EZH2: variants seen among roughly 807,000 people sequenced by gnomAD.
EZH2 encodes the protein histone-lysine N-methyltransferase EZH2.
A neutral mutation model predicts 98.4 loss-of-function variants in EZH2; 18 were observed. That is an observed-to-expected ratio of 0.18 (90% confidence interval 0.13 to 0.27). EZH2 has a LOEUF of 0.27. EZH2 is among the 10% of genes least tolerant of loss of function. The pLI is 1.00. For missense variants in EZH2, 470 were observed against 935.1 expected (o/e 0.50, Z 6.49); for synonymous variants, 338 against 312.3 (o/e 1.08, Z -0.87).
intron 1 of EZH2, among the ~76,000 whole-genome samples, chr7:148,854,486 T>C (rs1816458241): frequency 6.6e-6 from 1 of 151,806 alleles, no homozygotes; most frequent in Non-Finnish European, 1.5e-5. Context: ...ATCAAGGGAA[T>C]GACCACCTAT....
At position 148,847,421 on chromosome 7, in the gene EZH2, T is replaced by C. The variant is rs952263517; in HGVS notation, c.-7-116A>G. The C allele has an allele frequency of 6.2e-6, 8 of 1,290,702 alleles. No individual in the cohort carries two copies. The African/African-American group carries it at 7.5e-5, about 12-fold the overall frequency. 80.0% of individuals were successfully genotyped at this position (1,290,702 alleles called of 1,614,324 possible). ...TGAAGAAATGACACATATTACACTG[T>C]TGGCATTTACAGAAAGGTGCTCATT... is the stretch of plus-strand genomic sequence containing the variant. On this transcript the variant is annotated intron_variant, in intron 1 of 19. Coordinates refer to ENST00000320356, the MANE Select transcript of EZH2 (RefSeq NM_004456.5).
chr7:148,862,193 A>G (rs1215353077), intron 1 of EZH2, among the ~76,000 whole-genome samples: 4 of 151,878 alleles, frequency 2.6e-5, no homozygotes, highest in African/African-American at 9.7e-5. Context: ...TGTATCAGTG[A>G]ACTTTTCCTA....
chr7:148,838,115 T>G (rs1811386082), intron 3 of EZH2, among the ~76,000 whole-genome samples: 1 of 137,438 alleles, frequency 7.3e-6, no homozygotes, highest in Non-Finnish European at 1.5e-5. Context: ...GTTGCCAAGG[T>G]TAGAGTGCAG....
chr7:148,824,327 A>C (rs57911710), intron 8 of EZH2, among the ~76,000 whole-genome samples: 3,455 of 151,694 alleles, frequency 0.023, 108 homozygotes, highest in African/African-American at 0.063. Context: ...AAAAAAAAAA[A>C]AACAACAACA....
At chr7:148,848,324 T>C (rs912488828) in intron 1 of EZH2, among the ~76,000 whole-genome samples, 1 of 152,168 alleles carries the variant, frequency 6.6e-6, no homozygotes, top group African/African-American at 2.4e-5. Flanking sequence ...GACAGAGGCT[T>C]CTACACCACA....
intron 1 of EZH2, among the ~76,000 whole-genome samples, chr7:148,872,196 C>A (rs1311038536): frequency 6.6e-6 from 1 of 152,088 alleles, no homozygotes; most frequent in African/African-American, 2.4e-5. Flanking sequence ...CATGGAAGAA[C>A]CTCAATGACA....
intron 1 of EZH2, among the ~76,000 whole-genome samples, chr7:148,849,658 G>A (rs1815164021): frequency 6.6e-6 from 1 of 152,188 alleles, no homozygotes; most frequent in South Asian, 2.1e-4. Context: ...AGAAAATGGT[G>A]TTAGGAAGGC....
In EZH2 at chr7:148,847,395, G is replaced by A. The variant is rs926370787; in HGVS notation, c.-7-90C>T. The A allele has an allele frequency of 5.4e-6, 8 of 1,494,390 alleles. No homozygotes were observed. In the African/African-American group the frequency reaches 1.1e-4, roughly 21 times the overall value. 92.6% of individuals were successfully genotyped at this position (1,494,390 alleles called of 1,614,324 possible). On this transcript the variant is annotated intron_variant, in intron 1 of 19. Transcript: ENST00000320356. The stretch of plus-strand genomic sequence containing the variant: ...TTAATCCGCAGCAAACTAACAATCA[G>A]TGAAGAAATGACACATATTACACTG...
At chr7:148,841,052 T>C in intron 3 of EZH2, among the ~76,000 whole-genome samples, 1 of 152,136 alleles carries the variant, frequency 6.6e-6, no homozygotes, top group East Asian at 1.9e-4. Flanking sequence ...GTTTTATTAG[T>C]TGCCTAAATT....
At chr7:148,853,553 A>G (rs1300755131) in intron 1 of EZH2, among the ~76,000 whole-genome samples, 1 of 152,232 alleles carries the variant, frequency 6.6e-6, no homozygotes, top group East Asian at 1.9e-4. Context: ...CCTGCTGTAC[A>G]GCCCAGTTCC....
intron 15 of EZH2, among the ~76,000 whole-genome samples, chr7:148,812,181 C>G (rs1344696385): frequency 6.6e-6 from 1 of 152,168 alleles, no homozygotes; most frequent in East Asian, 1.9e-4. Context: ...CAGGACACCC[C>G]CTGATTCTTC....
chr7:148,809,217 T>C, intron 18 of EZH2, 62 bp from the exon 19 acceptor site: 1 of 1,586,754 alleles, frequency 6.3e-7, no homozygotes, highest in Admixed American at 1.7e-5. Context: ...TTAACTGACT[T>C]GTTCACATAA....
At chr7:148,883,049 T>C (rs1821235568) in intron 1 of EZH2, 2 of 152,268 alleles carry the variant, frequency 1.3e-5, no homozygotes, top group African/African-American at 2.4e-5. Context: ...CTCATCCTCA[T>C]TCAACCCGTC....
Position 148,811,729 on chromosome 7 carries a change from T to A in EZH2, c.1852-9A>T, listed in dbSNP as rs199654408. 6.2e-7 allele frequency: 1 copy of A among 1,608,258 alleles called. No individual in the cohort carries two copies. Among genetic ancestry groups the A allele is most frequent in the East Asian group, 2.2e-5 (1 of 44,838 alleles). On this transcript the variant is annotated splice_polypyrimidine_tract_variant and intron_variant, in intron 15 of 19. Transcript: ENST00000320356. ...GGTGCCAGCAATAGATGCTAGAGAA[T>A]AAAACACAATCACATCATCAAAAAA... is the stretch of plus-strand genomic sequence containing the variant.
At chr7:148,877,387 C>G (rs895054654) in intron 1 of EZH2, among the ~76,000 whole-genome samples, 6 of 152,136 alleles carry the variant, frequency 3.9e-5, no homozygotes, top group African/African-American at 1.4e-4. Flanking sequence ...GTAATTTTAA[C>G]TTGAGAAGTG....
At chr7:148,832,939 T>A (rs1474892301) in intron 3 of EZH2, among the ~76,000 whole-genome samples, 189 bp from the exon 4 acceptor site, 1 of 152,120 alleles carries the variant, frequency 6.6e-6, no homozygotes, top group Non-Finnish European at 1.5e-5. Context: ...GGTGCAAAAA[T>A]GCTTCAAATT....
chr7:148,829,359 T>TAGTAG (rs1808658211), intron 5 of EZH2, among the ~76,000 whole-genome samples: 1 of 152,130 alleles, frequency 6.6e-6, no homozygotes, highest in South Asian at 2.1e-4. Context: ...TATTTTTTAG[T>TAGTAG]AGTAGGGGCT....
At chr7:148,869,704 C>T (rs1819060052) in intron 1 of EZH2, among the ~76,000 whole-genome samples, 1 of 152,218 alleles carries the variant, frequency 6.6e-6, no homozygotes, top group Non-Finnish European at 1.5e-5. Context: ...CTAATTACTT[C>T]ATCTGCAAAA....
rs979608336 is a variant in EZH2, at chr7:148,820,523, G to T, written c.908-836C>A. On this transcript the variant is annotated intron_variant, in intron 8 of 19. Transcript: ENST00000320356. ...ATCATCTTTTAAATATTTGTAAAAA[G>T]CCATATTTAAAGACTGAGAAAAGGA... Among the ~76,000 whole-genome samples the T allele has an allele frequency of 8.8e-5, 13 of 146,966 alleles. No homozygotes were observed. The Admixed American group carries it at 8.9e-4, about 10-fold the overall frequency.
Sources: allele counts gnomAD v4.1 joint callset (sites outside exome capture counted in the v4.1 genomes callset), GRCh38; gene constraint gnomAD v4.1.1; transcripts MANE v1.5; gene names NCBI Gene and HGNC (gene_info 2026-07-23, HGNC 2026-07-21).